Variants in NXNL2 observed in about 807,000 individuals in gnomAD.
NXNL2 encodes the protein nucleoredoxin-like protein 2.
A neutral mutation model predicts 11.1 loss-of-function variants in NXNL2; 7 were observed. The ratio of observed to expected loss-of-function variants is 0.63; its 90% CI spans 0.36 to 1.18. The LOEUF (loss-of-function observed/expected upper bound fraction) is 1.18, where lower values mean the gene tolerates loss of function less well. Among genes scored for constraint, NXNL2 ranks in the 50% most tolerant of loss-of-function variants. The pLI is 0.02. For missense variants in NXNL2, 233 were observed against 217.7 expected, an observed-to-expected ratio of 1.07 and a Z score of -0.44; for synonymous variants, 109 against 101.8, an observed-to-expected ratio of 1.07 and a Z score of -0.42.
intron 1 of NXNL2, among the ~76,000 whole-genome samples, chr9:88,562,389 G>A (rs910582105): frequency 6.6e-5 from 10 of 152,024 alleles, no homozygotes; most frequent in African/African-American, 1.9e-4. Context: ...TGTTCACTTC[G>A]TGAAAATCCA....
At chr9:88,564,074 G>A (rs1345501302) in intron 1 of NXNL2, among the ~76,000 whole-genome samples, 1 of 151,950 alleles carries the variant, frequency 6.6e-6, no homozygotes, top group Non-Finnish European at 1.5e-5. Context: ...AGCTGGGCGT[G>A]GTGGCATGTG....
chr9:88,558,648 G>C (rs1830048355), intron 1 of NXNL2, among the ~76,000 whole-genome samples: 1 of 151,990 alleles, frequency 6.6e-6, no homozygotes, highest in Non-Finnish European at 1.5e-5. Context: ...TTAACCTGTG[G>C]GATATGACCC....
chr9:88,582,046 C>G (rs1003250966), intron 1 of NXNL2, among the ~76,000 whole-genome samples: 19 of 152,326 alleles, frequency 1.2e-4, no homozygotes, highest in African/African-American at 4.6e-4. Context: ...ATTCGGGGTT[C>G]TCATTCACTA....
At chr9:88,580,842 C>T (rs1302820674) in intron 1 of NXNL2, among the ~76,000 whole-genome samples, 5 of 152,078 alleles carry the variant, frequency 3.3e-5, no homozygotes, top group South Asian at 2.1e-4. Context: ...CTCTTTTAGT[C>T]TGGAATGGTT....
At chr9:88,578,593 G>T (rs994651840), downstream of NXNL2, among the ~76,000 whole-genome samples, 1 of 152,214 alleles carries the variant, frequency 6.6e-6, no homozygotes, top group African/African-American at 2.4e-5. Flanking sequence ...TTGGATTTCA[G>T]GTTGGGAAGT....
downstream of NXNL2, among the ~76,000 whole-genome samples, chr9:88,578,112 GC>G (rs1181911061): frequency 1.3e-5 from 2 of 152,220 alleles, no homozygotes; most frequent in African/African-American, 4.8e-5. Flanking sequence ...GTGGTAGAGG[GC>G]ACCCCTGGCA....
At chr9:88,548,339 CAAAAAAAAAAAAAAAAAA>C (rs60796870), downstream of NXNL2, among the ~76,000 whole-genome samples, 22 of 31,058 alleles carry the variant, frequency 7.1e-4, 1 homozygote, top group South Asian at 1.5e-3. Flanking sequence ...GACTTTTTCT[CAAAAAAAAAAAAAAAAAA>C]AAAAAAAAAA....
At chr9:88,549,756 T>C (rs1242466830), downstream of NXNL2, among the ~76,000 whole-genome samples, 1 of 152,094 alleles carries the variant, frequency 6.6e-6, no homozygotes, top group Non-Finnish European at 1.5e-5. Flanking sequence ...CTTACAACCA[T>C]GGCAGAAGGT....
chr9:88,548,510 C>G (rs560880225), downstream of NXNL2, among the ~76,000 whole-genome samples: 1 of 149,530 alleles, frequency 6.7e-6, no homozygotes. Context: ...ATGGTGAAAC[C>G]CTGTCTCTAC....
rs1587851992 is a variant in NXNL2, at chr9:88,563,369, C to T, written c.303-7718C>T. On this transcript the variant is annotated intron_variant, in intron 1 of 2. Transcript: ENST00000375855. ...TTATATTCATACATTAGTTCTTCTC[C>T]TGACTTCCCATAGCTCAGGTCAAAA... Among the ~76,000 whole-genome samples, 5 of 152,320 alleles carry T rather than the reference C, an allele frequency of 3.3e-5. 1 individual carries two copies. Among genetic ancestry groups the T allele is most frequent in the Admixed American group, 3.3e-4 (5 of 15,310 alleles).
intron 1 of NXNL2, among the ~76,000 whole-genome samples, chr9:88,553,109 C>T (rs1829964318): frequency 6.6e-6 from 1 of 152,120 alleles, no homozygotes; most frequent in Non-Finnish European, 1.5e-5. Context: ...TTGCAAAAAG[C>T]AAACTCCAAT....
At position 88,566,895 on chromosome 9, in the gene NXNL2, TTATC is replaced by T. The variant is rs201612474; in HGVS notation, c.303-4183_303-4180del. On this transcript the variant is annotated intron_variant, in intron 1 of 2. Coordinates refer to the NXNL2 transcript ENST00000375855. ...ATTATCTATCTTTCTATCTAGCCTA[TTATC>T]TATCTATCATCTATCTATCTATCTA... Among the ~76,000 whole-genome samples, 915 of 152,186 alleles carry T rather than the reference TTATC, an allele frequency of 6.0e-3. 12 individuals are homozygous for T. Among genetic ancestry groups the T allele is most frequent in the African/African-American group, 0.021 (860 of 41,468 alleles).
chr9:88,564,285 T>TCTATCTATTATCTATCTATC (rs1554706562), intron 1 of NXNL2, among the ~76,000 whole-genome samples: 5 of 140,258 alleles, frequency 3.6e-5, no homozygotes, highest in South Asian at 2.4e-4. Context: ...TATCTATCTA[T>TCTATCTATTATCTATCTATC]TATCTATCTA....
At chr9:88,547,512 A>T (rs1289065072), downstream of NXNL2, among the ~76,000 whole-genome samples, 1 of 152,230 alleles carries the variant, frequency 6.6e-6, no homozygotes, top group African/African-American at 2.4e-5. Context: ...CTCACCAGTC[A>T]GGAGAATTAT....
At chr9:88,555,653 A>G (rs1235902303) in intron 1 of NXNL2, among the ~76,000 whole-genome samples, 3 of 152,172 alleles carry the variant, frequency 2.0e-5, no homozygotes, top group African/African-American at 4.8e-5. Flanking sequence ...CTGAAAGGAA[A>G]AAAGCCCTGG....
chr9:88,573,317 T>A (rs1417196161), intron 2 of NXNL2, among the ~76,000 whole-genome samples: 1 of 152,134 alleles, frequency 6.6e-6, no homozygotes, highest in Non-Finnish European at 1.5e-5. Context: ...CTAATTTTTG[T>A]ATTTTTTGTA....
intron 1 of NXNL2, among the ~76,000 whole-genome samples, chr9:88,551,051 G>A (rs1013583509): frequency 3.9e-5 from 6 of 152,110 alleles, no homozygotes; most frequent in Admixed American, 1.3e-4. Context: ...GCCTCCAAGA[G>A]GGGTCCCTGC....
At position 88,566,991 on chromosome 9, in the gene NXNL2, T is replaced by TCTATCTATCTATCTAC. The variant is rs1554706797; in HGVS notation, c.303-4081_303-4080insCCTATCTATCTATCTA. On this transcript the variant is annotated intron_variant, in intron 1 of 2. Coordinates refer to the NXNL2 transcript ENST00000375855. ...TATCTATCATCTATCTATCTATCTA[T>TCTATCTATCTATCTAC]CTATCTATCTATCTATCTATCTATC... is the stretch of plus-strand genomic sequence containing the variant. 6.6e-5 allele frequency among the ~76,000 whole-genome samples: 10 copies of TCTATCTATCTATCTAC among 150,566 alleles called. No homozygotes were observed. In the East Asian group the frequency reaches 1.0e-3, roughly 15 times the overall value.
At chr9:88,564,317 CT>C (rs1388833990) in intron 1 of NXNL2, among the ~76,000 whole-genome samples, 4 of 148,858 alleles carry the variant, frequency 2.7e-5, no homozygotes, top group Admixed American at 2.0e-4. Context: ...ATCTATCTAT[CT>C]ATCTATCGTC....
Sources: allele counts gnomAD v4.1 joint callset (sites outside exome capture counted in the v4.1 genomes callset), GRCh38; gene constraint gnomAD v4.1.1; transcripts MANE v1.5; gene names NCBI Gene and HGNC (gene_info 2026-07-23, HGNC 2026-07-21).